Variants in STAB1 observed in about 807,000 individuals in gnomAD.
STAB1 encodes the protein stabilin-1.
STAB1 carries 250 observed loss-of-function variants against 332.4 expected under a neutral mutation model. The observed-to-expected ratio is 0.75, with a 90% CI of 0.68 to 0.84. The LOEUF (loss-of-function observed/expected upper bound fraction) is 0.84. STAB1 is among the 40% of genes least tolerant of loss of function. The pLI is 0.00. For missense variants in STAB1, 3,249 were observed against 3,489.7 expected (o/e 0.93, Z 1.74); for synonymous variants, 1,475 against 1,390.4 (o/e 1.06, Z -1.35).
In STAB1 at chr3:52,521,659, G is replaced by A. The variant is rs756864968; in HGVS notation, c.6122G>A (p.Cys2041Tyr). The change falls in exon 57 of 69, where the codon TGT becomes TAT. Residue 2041 changes from cysteine to tyrosine, a missense_variant. Cys to Tyr is a radical substitution (Grantham distance 194, BLOSUM62 -2). Coordinates refer to ENST00000321725, the MANE Select transcript of STAB1 (RefSeq NM_015136.3). ...EGLGGSGSCF[C>Y]DEGWTGPRCE... ...CTTGGGGGCTCTGGCTCCTGCTTCT[G>A]TGATGAAGGCTGGACTGGGCCACGC... 3 of 1,613,010 alleles carry A rather than the reference G, an allele frequency of 1.9e-6. No individual in the cohort carries two copies. The East Asian group carries it at 6.7e-5, about 36-fold the overall frequency.
intron 9 of STAB1, 62 bp from the exon 10 acceptor site, chr3:52,503,966 G>A (rs1044673082): frequency 2.9e-5 from 47 of 1,610,546 alleles, no homozygotes; most frequent in African/African-American, 1.7e-4. Flanking sequence ...GCGGGAAGGC[G>A]TGGGGGGTGC....
intron 1 of STAB1, among the ~76,000 whole-genome samples, chr3:52,497,388 T>TATA (rs1708113204): frequency 6.6e-6 from 1 of 151,662 alleles, no homozygotes; most frequent in Non-Finnish European, 1.5e-5. Flanking sequence ...TGTGCATAGA[T>TATA]TATATGTGAA....
Position 52,520,864 on chromosome 3 carries a change from T to C in STAB1, c.5767T>C (p.Ser1923Pro), listed in dbSNP as rs1231315556. Residue 1923 changes from serine (S) to proline (P), a missense_variant, in exon 55 of 69, where the codon TCT (serine) becomes CCT (proline). Coordinates refer to ENST00000321725, the MANE Select transcript of STAB1 (RefSeq NM_015136.3). ...PKFWTSPPLH[S>P]LGLRSVWVHP... Reference sequence around the variant, plus strand: ...GTTCTGGACGTCCCCTCCGCTGCACTCTTTGGGATTACGCAGCGTCTGGGT... The same window carrying C: ...GTTCTGGACGTCCCCTCCGCTGCACCCTTTGGGATTACGCAGCGTCTGGGT... 1 of 1,612,776 alleles carries C rather than the reference T, an allele frequency of 6.2e-7. No homozygotes were observed. The highest frequency in any genetic ancestry group is 8.5e-7 in the Non-Finnish European group (1 of 1,179,982).
chr3:52,510,377 C>T lies in STAB1; in HGVS notation c.2657C>T (p.Thr886Ile). 2 of 1,614,042 alleles carry T rather than the reference C, an allele frequency of 1.2e-6. No homozygotes were observed. The highest frequency in any genetic ancestry group is 1.7e-6 in the Non-Finnish European group (2 of 1,180,022). The change falls in exon 25 of 69, where the codon ACC (threonine) becomes ATC (isoleucine). Residue 886 changes from threonine to isoleucine, a missense_variant. Coordinates refer to ENST00000321725, the MANE Select transcript of STAB1 (RefSeq NM_015136.3). The part of the protein sequence containing the change: ...NAECVPGSLG[T>I]HHCTCHKGWS... ...GAGTGTGTCCCTGGGTCCCTGGGCACCCACCACTGCACATGCCACAAAGGC... is the reference window on the plus strand; with the variant it reads ...GAGTGTGTCCCTGGGTCCCTGGGCATCCACCACTGCACATGCCACAAAGGC...
At chr3:52,518,061 CCCATGGTCTTGGCAAAGAT>C (rs2078934509) in intron 45 of STAB1, 58 bp downstream of exon 45, 22 of 1,551,648 alleles carry the variant, frequency 1.4e-5, no homozygotes, top group Non-Finnish European at 1.9e-5. Context: ...ATGGGCCTGA[CCCATGGTCTTGGCAAAGAT>C]CCGATTTGAT....
At position 52,511,648 on chromosome 3, in the gene STAB1, A is replaced by C; in HGVS notation, c.2788-2A>C. 1 of 1,609,026 alleles carries C rather than the reference A, an allele frequency of 6.2e-7. No homozygotes were observed. The highest frequency in any genetic ancestry group is 8.5e-7 in the Non-Finnish European group (1 of 1,177,532). ...AAGGCCGTCTGTTCCTAACCTTTCCAGAGCCGATGCACCTGCAAGCTGGGC... is the reference window on the plus strand; with the variant it reads ...AAGGCCGTCTGTTCCTAACCTTTCCCGAGCCGATGCACCTGCAAGCTGGGC... On this transcript the variant is annotated splice_acceptor_variant, in intron 25 of 68. Coordinates refer to ENST00000321725, the MANE Select transcript of STAB1 (RefSeq NM_015136.3). LOFTEE classifies it high-confidence loss of function.
Position 52,503,359 on chromosome 3 carries a change from G to A in STAB1, c.710G>A (p.Trp237Ter), listed in dbSNP as rs1708592988. 1.2e-6 allele frequency: 2 copies of A among 1,611,526 alleles called. No individual in the cohort carries two copies. The highest frequency in any genetic ancestry group is 1.7e-5 in the Admixed American group (1 of 59,888). ...GSECRAPNPC[W>*]PSPCSLLAQC... ...GCCCTGGCAGCCCCCAACCCCTGCT[G>A]GCCATCACCCTGCTCACTGCTGGCC... Residue 237 changes from tryptophan (W) to a stop codon, truncating the protein, a stop_gained, in exon 8 of 69, where the codon TGG becomes TAG. Transcript: ENST00000321725. LOFTEE classifies it high-confidence loss of function.
chr3:52,513,123 C>T lies in STAB1; in HGVS notation c.3159-7C>T. On this transcript the variant is annotated splice_polypyrimidine_tract_variant and splice_region_variant and intron_variant, in intron 29 of 68. Coordinates refer to ENST00000321725, the MANE Select transcript of STAB1 (RefSeq NM_015136.3). ...TTCCATGACCCCCCTAAACTGTGCC[C>T]TGTCAGGGCCCATTTTCTCCAGGGT... is the stretch of plus-strand genomic sequence containing the variant. 6.4e-7 allele frequency: 1 copy of T among 1,561,180 alleles called. No homozygotes were observed. The highest frequency in any genetic ancestry group is 8.7e-7 in the Non-Finnish European group (1 of 1,152,386).
intron 1 of STAB1, among the ~76,000 whole-genome samples, chr3:52,499,964 T>A (rs1224161720): frequency 7.2e-6 from 1 of 138,944 alleles, no homozygotes; most frequent in African/African-American, 2.7e-5. Flanking sequence ...TCCCAGCTAC[T>A]CGGGAGGCTG....
intron 57 of STAB1, 40 bp downstream of exon 57, chr3:52,521,740 G>A (rs1312093111): frequency 2.5e-6 from 4 of 1,610,956 alleles, no homozygotes; most frequent in African/African-American, 2.7e-5. Context: ...ACACACTTGT[G>A]TACATGTGCA....
In STAB1 at chr3:52,517,303, A is replaced by G; in HGVS notation, c.4490-17A>G. On this transcript the variant is annotated splice_polypyrimidine_tract_variant and intron_variant, in intron 42 of 68. Coordinates refer to ENST00000321725, the MANE Select transcript of STAB1 (RefSeq NM_015136.3). ...GGCCACTAAGGGCCACCCCCATCCC[A>G]GTGTCTCTTCCCCCAGAAATTAACA... 6.5e-7 allele frequency: 1 copy of G among 1,548,944 alleles called. No homozygotes were observed.
At chr3:52,502,808 C>T in intron 6 of STAB1, 81 bp downstream of exon 6, 1 of 1,470,112 alleles carries the variant, frequency 6.8e-7, no homozygotes, top group Non-Finnish European at 9.3e-7. Flanking sequence ...GAGGATGGGG[C>T]CTGAGCCTCA....
intron 46 of STAB1, 73 bp from the exon 47 acceptor site, chr3:52,518,463 A>C: frequency 6.4e-7 from 1 of 1,563,722 alleles, no homozygotes; most frequent in South Asian, 1.2e-5. Context: ...CTCTGAGTCC[A>C]GGTCTTCCCC....
chr3:52,520,855 C>T lies in STAB1; in HGVS notation c.5758C>T (p.Pro1920Ser). The change falls in exon 55 of 69, where the codon CCG (proline) becomes TCG (serine). Residue 1920 changes from proline to serine, a missense_variant. Pro to Ser is a moderately conservative substitution (Grantham distance 74). Coordinates refer to ENST00000321725, the MANE Select transcript of STAB1 (RefSeq NM_015136.3). ...RFYPKFWTSPPLHSLGLRSVW... is the reference protein window; with the variant it reads ...RFYPKFWTSPSLHSLGLRSVW... Reference sequence around the variant, plus strand: ...CTACCCGAAGTTCTGGACGTCCCCTCCGCTGCACTCTTTGGGATTACGCAG... The same window carrying T: ...CTACCCGAAGTTCTGGACGTCCCCTTCGCTGCACTCTTTGGGATTACGCAG... 1.9e-6 allele frequency: 3 copies of T among 1,612,846 alleles called. No homozygotes were observed. Among genetic ancestry groups the T allele is most frequent in the Non-Finnish European group, 2.5e-6 (3 of 1,180,010 alleles).
chr3:52,516,104 G>A lies in STAB1; in HGVS notation c.4010G>A (p.Gly1337Glu), dbSNP rs137973209. ...TLCEPCPGGL[G>E]GVCSGHGQCQ... ...TGTGAGCCATGCCCAGGGGGTCTAGGGGGGGTGTGCTCAGGCCATGGGCAG... is the reference window on the plus strand; with the variant it reads ...TGTGAGCCATGCCCAGGGGGTCTAGAGGGGGTGTGCTCAGGCCATGGGCAG... Residue 1337 changes from glycine to glutamate, a missense_variant, in exon 38 of 69, where the codon GGG (glycine) becomes GAG (glutamate). By Grantham distance (98) the Gly-to-Glu change is moderately conservative. Transcript: ENST00000321725. 5.0e-4 allele frequency: 804 copies of A among 1,612,130 alleles called. No homozygotes were observed. The highest frequency in any genetic ancestry group is 6.1e-4 in the Non-Finnish European group (718 of 1,179,614).
In STAB1 at chr3:52,514,119, A is replaced by G; in HGVS notation, c.3452A>G (p.His1151Arg). The change falls in exon 33 of 69, where the codon CAT becomes CGT. Residue 1151 changes from histidine to arginine, a missense_variant. Coordinates refer to ENST00000321725, the MANE Select transcript of STAB1 (RefSeq NM_015136.3). ...FSLFRELLQH[H>R]GLVPQIEAAT... ...TGACCTCCACCCCATCCCTAGCACC[A>G]TGGGTTGGTGCCCCAGATTGAGGCT... 1 of 1,613,284 alleles carries G rather than the reference A, an allele frequency of 6.2e-7. No homozygotes were observed. The highest frequency in any genetic ancestry group is 8.5e-7 in the Non-Finnish European group (1 of 1,179,958).
Position 52,503,968 on chromosome 3 carries a change from G to C in STAB1, c.1023-60G>C, listed in dbSNP as rs756033444. 1.7e-5 allele frequency: 27 copies of C among 1,605,838 alleles called. 1 individual carries two copies. In the East Asian group the frequency reaches 2.5e-4, roughly 15 times the overall value. On this transcript the variant is annotated intron_variant, in intron 9 of 68. Coordinates refer to ENST00000321725, the MANE Select transcript of STAB1 (RefSeq NM_015136.3). The stretch of plus-strand genomic sequence containing the variant: ...AAGCGTGCCCTCTGCGGGAAGGCGT[G>C]GGGGGTGCGGTGGGGGGGGCCTCAG...
rs773919055 is a variant in STAB1 at position 52,513,173 on chromosome 3, C to T, written c.3202C>T (p.Arg1068Trp). The change falls in exon 30 of 69, where the codon CGG (arginine) becomes TGG (tryptophan). Residue 1068 changes from arginine (R) to tryptophan (W), a missense_variant. By Grantham distance (101) the Arg-to-Trp change is moderately radical (BLOSUM62 -3). Transcript: ENST00000321725. ...QGALFEEELA[R>W]LGGQEVATLN... ...TGCCCTCTTCGAGGAGGAGCTGGCC[C>T]GGCTGGGTGGGCAGGAAGTGGCCAC... The T allele has an allele frequency of 3.2e-5, 50 of 1,583,460 alleles. No individual in the cohort carries two copies. The highest frequency in any genetic ancestry group is 2.5e-4 in the South Asian group (22 of 86,488).
chr3:52,504,286 G>C, intron 10 of STAB1, 131 bp downstream of exon 10: 1 of 1,463,392 alleles, frequency 6.8e-7, no homozygotes, highest in Non-Finnish European at 9.2e-7. Flanking sequence ...TGGCTGTGGG[G>C]GGTGCATGCA....
Sources: allele counts gnomAD v4.1 joint callset (sites outside exome capture counted in the v4.1 genomes callset), GRCh38; gene constraint gnomAD v4.1.1; transcripts MANE v1.5; gene names NCBI Gene and HGNC (gene_info 2026-07-23, HGNC 2026-07-21).